The following ERICH3 variants were observed in gnomAD, a reference collection of about 807,000 sequenced individuals.
ERICH3 encodes the protein glutamate rich 3, also known as glutamate-rich protein 3.
In ERICH3, 126 loss-of-function variants were observed where a neutral mutation model predicts 131.1. The observed-to-expected ratio is 0.96, with a 90% CI of 0.83 to 1.11. ERICH3 has a LOEUF of 1.11. Among genes scored for constraint, ERICH3 ranks in the 50% most tolerant of loss-of-function variants. The pLI, the probability that ERICH3 is intolerant of heterozygous loss-of-function variation, is 0.00. For missense variants in ERICH3, 2,050 were observed against 1,810.7 expected, an observed-to-expected ratio of 1.13 and a Z score of -2.40; for synonymous variants, 695 against 644.6, an observed-to-expected ratio of 1.08 and a Z score of -1.18.
chr1:74,610,235 T>C (rs550749697), intron 9 of ERICH3, among the ~76,000 whole-genome samples: 1 of 151,802 alleles, frequency 6.6e-6, no homozygotes, highest in African/African-American at 2.4e-5. Context: ...TCTGGATGAT[T>C]CTTTTACACT....
At chr1:74,666,641 G>A (rs1646695506) in intron 1 of ERICH3, among the ~76,000 whole-genome samples, 1 of 152,164 alleles carries the variant, frequency 6.6e-6, no homozygotes, top group Non-Finnish European at 1.5e-5. Context: ...TGTGTAAGAA[G>A]AGAGTGATTT....
intron 11 of ERICH3, among the ~76,000 whole-genome samples, chr1:74,595,588 C>T (rs1406089640): frequency 7.2e-5 from 11 of 152,010 alleles, no homozygotes; most frequent in Admixed American, 7.2e-4. Flanking sequence ...AATCATGTGT[C>T]ACATTGTGCT....
intron 1 of ERICH3, among the ~76,000 whole-genome samples, chr1:74,657,376 C>T (rs1261688978): frequency 2.0e-5 from 3 of 152,038 alleles, no homozygotes; most frequent in African/African-American, 7.2e-5. Context: ...GACATCAGGG[C>T]CAATTATTTT....
intron 7 of ERICH3, among the ~76,000 whole-genome samples, chr1:74,630,070 T>C (rs1401541101): frequency 6.6e-6 from 1 of 152,198 alleles, no homozygotes; most frequent in African/African-American, 2.4e-5. Flanking sequence ...TTGTGAGACA[T>C]TTAAACTTGT....
chr1:74,588,814 T>C (rs1218905692), intron 12 of ERICH3, among the ~76,000 whole-genome samples: 1 of 152,072 alleles, frequency 6.6e-6, no homozygotes, highest in African/African-American at 2.4e-5. Context: ...GTCTAAGGTC[T>C]GGGGCCTGAT....
At chr1:74,612,192 G>C (rs1291483037) in intron 9 of ERICH3, among the ~76,000 whole-genome samples, 1 of 152,084 alleles carries the variant, frequency 6.6e-6, no homozygotes, top group Non-Finnish European at 1.5e-5. Context: ...CCTCTAAAAG[G>C]CATAACCGAA....
Position 74,664,734 on chromosome 1 carries a change from C to T in ERICH3, c.23+8763G>A, listed in dbSNP as rs535801574. Among the ~76,000 whole-genome samples the T allele has an allele frequency of 1.2e-4, 18 of 152,194 alleles. 1 individual carries two copies. The highest frequency in any genetic ancestry group is 7.9e-4 in the Admixed American group (12 of 15,280). On this transcript the variant is annotated intron_variant, in intron 1 of 14. Coordinates refer to ENST00000326665, the MANE Select transcript of ERICH3 (RefSeq NM_001002912.5). ...ACTATTATAGAAAAATAATAACAGT[C>T]GCATAAAAATGGATCACCAGCTTAA...
chr1:74,611,210 C>T (rs1022473428), intron 9 of ERICH3, among the ~76,000 whole-genome samples: 15 of 152,044 alleles, frequency 9.9e-5, no homozygotes, highest in African/African-American at 3.4e-4. Context: ...AATGTGTCCT[C>T]GACCAAAACC....
chr1:74,632,708 A>G (rs1646351947), intron 6 of ERICH3, among the ~76,000 whole-genome samples: 1 of 151,956 alleles, frequency 6.6e-6, no homozygotes, highest in Non-Finnish European at 1.5e-5. Context: ...ACATGAATAT[A>G]TTTATCCTGA....
At chr1:74,664,761 A>G (rs1244105176) in intron 1 of ERICH3, among the ~76,000 whole-genome samples, 6 of 152,194 alleles carry the variant, frequency 3.9e-5, no homozygotes, top group South Asian at 2.1e-4. Context: ...CCAGCTTAAA[A>G]TGTTGAATTT....
intron 9 of ERICH3, among the ~76,000 whole-genome samples, chr1:74,607,753 A>G (rs993451745): frequency 2.6e-5 from 4 of 152,008 alleles, no homozygotes; most frequent in African/African-American, 9.7e-5. Flanking sequence ...AATTATAACA[A>G]AAGTAATATG....
chr1:74,579,898 T>G, intron 12 of ERICH3: 1 of 984,818 alleles, frequency 1.0e-6, no homozygotes, highest in African/African-American at 1.7e-5. Context: ...CACAGAAAAT[T>G]TCTTAGAAAG....
At chr1:74,570,625 T>C (rs978642482) in intron 14 of ERICH3, among the ~76,000 whole-genome samples, 186 bp from the exon 15 acceptor site, 3 of 152,220 alleles carry the variant, frequency 2.0e-5, no homozygotes, top group Admixed American at 6.5e-5. Flanking sequence ...ACATTTTATA[T>C]ATGTAAAAAC....
chr1:74,642,501 A>T (rs1646445544), intron 4 of ERICH3, among the ~76,000 whole-genome samples: 1 of 152,150 alleles, frequency 6.6e-6, no homozygotes, highest in African/African-American at 2.4e-5. Context: ...AGTTCACTGC[A>T]AAGAAGATAT....
intron 10 of ERICH3, among the ~76,000 whole-genome samples, chr1:74,603,476 G>A (rs1648240644): frequency 6.6e-6 from 1 of 151,806 alleles, no homozygotes; most frequent in Admixed American, 6.6e-5. Context: ...CTCAGTGCTT[G>A]GCACTTTCAT....
chr1:74,585,714 C>T (rs1034665142), intron 12 of ERICH3, among the ~76,000 whole-genome samples: 6 of 152,050 alleles, frequency 3.9e-5, no homozygotes, highest in African/African-American at 1.2e-4. Context: ...AGCCCTCTTT[C>T]ATTTCTACCT....
At position 74,599,742 on chromosome 1, in the gene ERICH3, T is replaced by C; in HGVS notation, c.1679A>G (p.Asp560Gly). 6.2e-7 allele frequency: 1 copy of C among 1,612,262 alleles called. No individual in the cohort carries two copies. The highest frequency in any genetic ancestry group is 8.5e-7 in the Non-Finnish European group (1 of 1,178,916). The change falls in exon 11 of 15, where the codon GAT becomes GGT. Residue 560 changes from aspartate (D) to glycine (G), a missense_variant. Transcript: ENST00000326665. Reference protein sequence around the residue: ...KAPDARDNVKDENDGCSESEL... With the variant: ...KAPDARDNVKGENDGCSESEL... ...ACTCTCAGAGCATCCATCATTCTCA[T>C]CTTTCACATTGTCACGGGCATCTGG... is the stretch of plus-strand genomic sequence containing the variant.
Position 74,571,254 on chromosome 1 carries a change from A to G in ERICH3, c.4456T>C (p.Leu1486=). The change falls in exon 14 of 15, where the codon TTG becomes CTG. Residue 1486 remains leucine, a synonymous_variant. Coordinates refer to ENST00000326665, the MANE Select transcript of ERICH3 (RefSeq NM_001002912.5). ...ATCGCCTGTAGACTCTCCGGACTCAATTCCCTCTCTCCCTCCCGTGATAAT... is the reference window on the plus strand; with the variant it reads ...ATCGCCTGTAGACTCTCCGGACTCAGTTCCCTCTCTCCCTCCCGTGATAAT... ...LGLSREGERE[L]SPESLQAMAT... 1 of 1,613,658 alleles carries G rather than the reference A, an allele frequency of 6.2e-7. No homozygotes were observed. Among genetic ancestry groups the G allele is most frequent in the Non-Finnish European group, 8.5e-7 (1 of 1,179,874 alleles).
At chr1:74,646,483 T>C (rs886263695) in intron 3 of ERICH3, among the ~76,000 whole-genome samples, 184 bp downstream of exon 3, 12 of 152,106 alleles carry the variant, frequency 7.9e-5, no homozygotes, top group African/African-American at 2.9e-4. Flanking sequence ...TGAGTATTTC[T>C]TTCATTTTCT....
Sources: allele counts gnomAD v4.1 joint callset (sites outside exome capture counted in the v4.1 genomes callset), GRCh38; gene constraint gnomAD v4.1.1; transcripts MANE v1.5; gene names NCBI Gene and HGNC (gene_info 2026-07-23, HGNC 2026-07-21).